Variants in ANKRD11 observed in about 807,000 individuals in gnomAD.
ANKRD11 encodes ankyrin repeat domain 11.
A neutral mutation model predicts 195.7 loss-of-function variants in ANKRD11; 17 were observed. That is an observed-to-expected ratio of 0.09 (90% confidence interval 0.06 to 0.13). The LOEUF is 0.13. ANKRD11 is among the 10% of genes least tolerant of loss of function. The probability of loss-of-function intolerance (pLI) is 1.00; values close to 1 mark genes in which losing one functional copy is unlikely to be tolerated. For missense variants in ANKRD11, 3,735 were observed against 3,566.1 expected (o/e 1.05, Z -1.21); for synonymous variants, 1,953 against 1,528.1 (o/e 1.28, Z -6.49).
chr16:89,416,154 CTA>C (rs2042303654), intron 2 of ANKRD11, among the ~76,000 whole-genome samples: 1 of 152,156 alleles, frequency 6.6e-6, no homozygotes, highest in African/African-American at 2.4e-5. Flanking sequence ...CCAACATTTC[CTA>C]TGTCATCAAA....
chr16:89,440,350 G>C (rs571724989), intron 1 of ANKRD11, among the ~76,000 whole-genome samples: 97 of 152,348 alleles, frequency 6.4e-4, no homozygotes, highest in Non-Finnish European at 1.1e-3. Context: ...GCTCAGGCCT[G>C]TAATCCCAGA....
At chr16:89,366,400 G>C (rs1567706074) in intron 2 of ANKRD11, among the ~76,000 whole-genome samples, 1 of 152,074 alleles carries the variant, frequency 6.6e-6, no homozygotes, top group Admixed American at 6.6e-5. Flanking sequence ...TAGAGGAATC[G>C]CCATACTGCT....
chr16:89,367,487 G>C (rs1197958217), intron 2 of ANKRD11, among the ~76,000 whole-genome samples: 1 of 152,214 alleles, frequency 6.6e-6, no homozygotes, highest in Non-Finnish European at 1.5e-5. Flanking sequence ...ACAACCCGGA[G>C]TGTACAGCTG....
At position 89,282,571 on chromosome 16, in the gene ANKRD11, G is replaced by A; in HGVS notation, c.3971C>T (p.Ser1324Phe). 1 of 1,614,084 alleles carries A rather than the reference G, an allele frequency of 6.2e-7. No homozygotes were observed. The highest frequency in any genetic ancestry group is 8.5e-7 in the Non-Finnish European group (1 of 1,180,000). Residue 1324 changes from serine (S) to phenylalanine (F), a missense_variant, in exon 9 of 13, where the codon TCT becomes TTT. Physicochemically the swap from Ser to Phe is radical, Grantham distance 155 (BLOSUM62 -2). Coordinates refer to ENST00000301030, the MANE Select transcript of ANKRD11 (RefSeq NM_013275.6). ...EPGLTAFLEV[S>F]FTEPPGDDKP... ...GTCGTCTCCAGGTGGCTCCGTGAAAGAGACCTCCAGGAAGGCAGTCAGCCC... is the reference window on the plus strand; with the variant it reads ...GTCGTCTCCAGGTGGCTCCGTGAAAAAGACCTCCAGGAAGGCAGTCAGCCC...
intron 1 of ANKRD11, among the ~76,000 whole-genome samples, chr16:89,430,722 C>T (rs978620310): frequency 5.3e-5 from 8 of 152,232 alleles, no homozygotes; most frequent in African/African-American, 1.9e-4. Flanking sequence ...TCTTGAAACA[C>T]TACTTTTCCA....
chr16:89,407,151 C>T (rs1859267752), intron 2 of ANKRD11, among the ~76,000 whole-genome samples: 1 of 151,776 alleles, frequency 6.6e-6, no homozygotes, highest in Non-Finnish European at 1.5e-5. Context: ...TGCCACTGCA[C>T]TCCAGCCTGG....
At position 89,447,350 on chromosome 16, in the gene ANKRD11, T is replaced by A. The variant is rs542940543; in HGVS notation, c.-144-28982A>T. On this transcript the variant is annotated intron_variant, in intron 1 of 12. Transcript: ENST00000301030. Reference sequence around the variant, plus strand: ...ACACCCCAACACCCTTTCCTCTCCATCAGATATCACTGAACCTCAACAAGG... The same window carrying A: ...ACACCCCAACACCCTTTCCTCTCCAACAGATATCACTGAACCTCAACAAGG... Among the ~76,000 whole-genome samples the A allele has an allele frequency of 2.4e-4, 36 of 152,196 alleles. 2 individuals are homozygous for A. The South Asian group carries it at 6.4e-3, about 27-fold the overall frequency.
chr16:89,341,840 CG>C (rs1567673414), intron 2 of ANKRD11, among the ~76,000 whole-genome samples: 132 of 151,988 alleles, frequency 8.7e-4, no homozygotes, highest in African/African-American at 2.9e-3. Context: ...CGGCCCACGG[CG>C]GGAGTGCTGC....
chr16:89,293,325 G>A (rs930151847), intron 4 of ANKRD11, among the ~76,000 whole-genome samples: 1 of 152,184 alleles, frequency 6.6e-6, no homozygotes, highest in Non-Finnish European at 1.5e-5. Context: ...TTGACCATCA[G>A]AAGTGAAAAG....
At chr16:89,481,542 G>A (rs1287642889) in intron 1 of ANKRD11, among the ~76,000 whole-genome samples, 1 of 152,186 alleles carries the variant, frequency 6.6e-6, no homozygotes, top group South Asian at 2.1e-4. Flanking sequence ...GAGTGACAGA[G>A]CAAGACCTTG....
intron 1 of ANKRD11, among the ~76,000 whole-genome samples, chr16:89,483,527 T>C (rs2057509751): frequency 6.6e-6 from 1 of 152,330 alleles, no homozygotes; most frequent in South Asian, 2.1e-4. Flanking sequence ...AGGGGAAAAA[T>C]GCCTGTGAGA....
intron 1 of ANKRD11, among the ~76,000 whole-genome samples, chr16:89,426,835 C>A (rs912111476): frequency 2.0e-5 from 3 of 152,230 alleles, no homozygotes; most frequent in African/African-American, 4.8e-5. Flanking sequence ...GCGGCTGTTT[C>A]ACTTCAGTGT....
intron 1 of ANKRD11, among the ~76,000 whole-genome samples, chr16:89,476,735 G>C (rs1341691042): frequency 6.6e-6 from 1 of 152,226 alleles, no homozygotes; most frequent in African/African-American, 2.4e-5. Context: ...TTCCAGCAAA[G>C]AGATGGGGGC....
intron 2 of ANKRD11, among the ~76,000 whole-genome samples, chr16:89,386,146 T>C (rs749999293): frequency 4.6e-5 from 7 of 152,176 alleles, no homozygotes; most frequent in Non-Finnish European, 8.8e-5. Flanking sequence ...ATTAAGAAAA[T>C]ACAATACCGG....
At chr16:89,394,436 C>A (rs2041336186) in intron 2 of ANKRD11, among the ~76,000 whole-genome samples, 2 of 152,200 alleles carry the variant, frequency 1.3e-5, no homozygotes, top group Non-Finnish European at 2.9e-5. Context: ...CAAGACCAGA[C>A]TGGCCAACAT....
At chr16:89,461,848 A>T (rs576430549) in intron 1 of ANKRD11, among the ~76,000 whole-genome samples, 2 of 152,246 alleles carry the variant, frequency 1.3e-5, no homozygotes, top group East Asian at 1.9e-4. Context: ...AGCCTGTCTC[A>T]CAGCAGCTCA....
chr16:89,485,034 G>A (rs2057559741), intron 1 of ANKRD11, among the ~76,000 whole-genome samples: 1 of 151,926 alleles, frequency 6.6e-6, no homozygotes, highest in Admixed American at 6.6e-5. Flanking sequence ...AAGAGAGAAA[G>A]CGGGTGTGGG....
At chr16:89,464,626 AAAG>A (rs1274192759) in intron 1 of ANKRD11, among the ~76,000 whole-genome samples, 2 of 151,368 alleles carry the variant, frequency 1.3e-5, no homozygotes, top group African/African-American at 2.4e-5. Context: ...AAAAAAAAGA[AAAG>A]AAAAGAAAAA....
rs114266979 is a variant in ANKRD11 at position 89,323,040 on chromosome 16, G to A, written c.-59-5962C>T. 1,680 of 303,574 alleles carry A rather than the reference G, an allele frequency of 5.5e-3. 26 individuals carry two copies. The highest frequency in any genetic ancestry group is 0.034 in the African/African-American group (1,524 of 44,244). 18.8% of individuals were successfully genotyped at this position (303,574 alleles called of 1,614,324 possible). ...TGTACTTTCTGTGGAGTCGGGTTTC[G>A]CCATGCTTCCGAGGCTGGTGTCTGA... On this transcript the variant is annotated intron_variant, in intron 2 of 12. Transcript: ENST00000301030.
Sources: gnomAD v4.1 joint callset for allele counts (sites outside exome capture counted in the v4.1 genomes callset) on GRCh38, gnomAD v4.1.1 for gene constraint, MANE v1.5 for transcripts, NCBI Gene and HGNC (gene_info 2026-07-23, HGNC 2026-07-21) for gene names.